CLDN1: variants seen among roughly 807,000 people sequenced by gnomAD.
The protein encoded by CLDN1 is claudin-1.
CLDN1 carries 12 observed loss-of-function variants against 22.6 expected under a neutral mutation model. That is an observed-to-expected ratio of 0.53 (90% confidence interval 0.34 to 0.86). CLDN1 has a LOEUF of 0.86. Among genes scored for constraint, CLDN1 ranks in the 40% least tolerant of loss-of-function variants. CLDN1 has a pLI of 0.02. For missense variants in CLDN1, 250 were observed against 269.5 expected, an observed-to-expected ratio of 0.93 and a Z score of 0.51; for synonymous variants, 99 against 103.8, an observed-to-expected ratio of 0.95 and a Z score of 0.28.
At chr3:190,313,414 A>C (rs1209704646) in intron 1 of CLDN1, among the ~76,000 whole-genome samples, 1 of 152,226 alleles carries the variant, frequency 6.6e-6, no homozygotes, top group African/African-American at 2.4e-5. Context: ...ACAATCATAT[A>C]TACTATCCTG....
rs1306508045 is a variant in CLDN1 at position 190,307,132 on chromosome 3, A to G, written c.*1145T>C. On this transcript the variant is annotated 3_prime_UTR_variant, in exon 4 of 4. Coordinates refer to ENST00000295522, the MANE Select transcript of CLDN1 (RefSeq NM_021101.5). ...TAACTGGTTAAGTATCATTATCTCA[A>G]TTTGGCAGATAGAAAAAAGAGGTAG... is the stretch of plus-strand genomic sequence containing the variant. 1 of 152,654 alleles carries G rather than the reference A, an allele frequency of 6.6e-6. No individual in the cohort carries two copies. Among genetic ancestry groups the G allele is most frequent in the Non-Finnish European group, 1.5e-5 (1 of 68,048 alleles). 9.5% of individuals were successfully genotyped at this position (152,654 alleles called of 1,614,324 possible).
At chr3:190,320,848 T>C (rs908470549) in intron 1 of CLDN1, among the ~76,000 whole-genome samples, 1 of 152,118 alleles carries the variant, frequency 6.6e-6, no homozygotes, top group Non-Finnish European at 1.5e-5. Flanking sequence ...AGACACATGA[T>C]ATAAGACAAT....
chr3:190,315,119 A>G (rs1330561992), intron 1 of CLDN1, among the ~76,000 whole-genome samples: 1 of 152,248 alleles, frequency 6.6e-6, no homozygotes, highest in Non-Finnish European at 1.5e-5. Context: ...GAAATAACAA[A>G]TAAAATAACT....
chr3:190,317,406 T>G (rs1374667982), intron 1 of CLDN1, among the ~76,000 whole-genome samples: 1 of 152,168 alleles, frequency 6.6e-6, no homozygotes, highest in Non-Finnish European at 1.5e-5. Flanking sequence ...CACCTGAAAG[T>G]AGAATTAAAA....
At chr3:190,309,896 A>T (rs1299293140) in intron 3 of CLDN1, among the ~76,000 whole-genome samples, 2 of 152,234 alleles carry the variant, frequency 1.3e-5, no homozygotes, top group Non-Finnish European at 2.9e-5. Context: ...TTAATATTTG[A>T]AAAAACAAAC....
At chr3:190,310,044 T>C in intron 3 of CLDN1, 125 bp downstream of exon 3, 1 of 770,226 alleles carries the variant, frequency 1.3e-6, no homozygotes, top group Non-Finnish European at 2.3e-6. Flanking sequence ...ATTTAAATTG[T>C]TTGTAGGTTT....
Position 190,310,267 on chromosome 3 carries a change from A to G in CLDN1, c.389-14T>C, listed in dbSNP as rs2108606896. The stretch of plus-strand genomic sequence containing the variant: ...AAATAGCCAGACCTATAGAAATTCA[A>G]AACAAAAGACTGTTAATCACCATGG... On this transcript the variant is annotated splice_polypyrimidine_tract_variant and intron_variant, in intron 2 of 3. Transcript: ENST00000295522. 1 of 1,603,636 alleles carries G rather than the reference A, an allele frequency of 6.2e-7. No homozygotes were observed. The highest frequency in any genetic ancestry group is 1.7e-5 in the Admixed American group (1 of 59,976).
chr3:190,320,145 A>G (rs1205258522), intron 1 of CLDN1, among the ~76,000 whole-genome samples: 1 of 152,260 alleles, frequency 6.6e-6, no homozygotes, highest in East Asian at 1.9e-4. Context: ...AAAAAATGAA[A>G]GTAAAACATT....
In CLDN1 at chr3:190,312,998, T is replaced by A; in HGVS notation, c.262A>T (p.Ile88Phe). 6.2e-7 allele frequency: 1 copy of A among 1,614,156 alleles called. No individual in the cohort carries two copies. The highest frequency in any genetic ancestry group is 2.2e-5 in the East Asian group (1 of 44,884). ...QATRALMVVG[I>F]LLGVIAIFVA... ...AAGATTGCTATCACTCCCAGGAGGA[T>A]GCCAACCACCATCAAGGCACGGGTT... Residue 88 changes from isoleucine to phenylalanine, a missense_variant, in exon 2 of 4, where the codon ATC (isoleucine) becomes TTC (phenylalanine). Ile to Phe is a conservative substitution (Grantham distance 21, BLOSUM62 0). Coordinates refer to ENST00000295522, the MANE Select transcript of CLDN1 (RefSeq NM_021101.5).
At chr3:190,315,926 C>T (rs1435078334) in intron 1 of CLDN1, among the ~76,000 whole-genome samples, 1 of 152,156 alleles carries the variant, frequency 6.6e-6, no homozygotes, top group Non-Finnish European at 1.5e-5. Flanking sequence ...TACTCCAGGG[C>T]CCTTACTGCA....
At position 190,312,854 on chromosome 3, in the gene CLDN1, G is replaced by A. The variant is rs1209621860; in HGVS notation, c.388+18C>T. ...GGAACAGGTTAGTAAGGTGAAAGGG[G>A]GGCACAGCCTCTATTACCTGCAAGA... is the stretch of plus-strand genomic sequence containing the variant. On this transcript the variant is annotated intron_variant, in intron 2 of 3. Transcript: ENST00000295522. 6.2e-7 allele frequency: 1 copy of A among 1,613,468 alleles called. No homozygotes were observed.
chr3:190,321,572 G>A (rs571643042), intron 1 of CLDN1, among the ~76,000 whole-genome samples: 54 of 152,320 alleles, frequency 3.5e-4, no homozygotes, highest in Non-Finnish European at 3.4e-4. Flanking sequence ...GCACACTTGA[G>A]AAGTTACCAG....
rs866930475 is a variant in CLDN1, at chr3:190,306,346, C to T, written c.*1931G>A. The T allele has an allele frequency of 1.3e-5, 2 of 152,350 alleles. No individual in the cohort carries two copies. Among genetic ancestry groups the T allele is most frequent in the African/African-American group, 4.8e-5 (2 of 41,602 alleles). 9.4% of individuals were successfully genotyped at this position (152,350 alleles called of 1,614,324 possible). A position where few individuals can be genotyped will look rare whatever the true frequency, so the allele number is the denominator to read the frequency against. ...TGCACTCAATTTTACTTCACTGTCT[C>T]ATCACTTGAGAGACTGGTTAAGGCA... On this transcript the variant is annotated 3_prime_UTR_variant, in exon 4 of 4. Transcript: ENST00000295522.
In CLDN1 at chr3:190,322,090, G is replaced by A. The variant is rs768443254; in HGVS notation, c.117C>T (p.Asn39=). 6.2e-7 allele frequency: 1 copy of A among 1,614,232 alleles called. No homozygotes were observed. The change falls in exon 1 of 4, where the codon AAC becomes AAT. Residue 39 remains asparagine, a synonymous_variant. Transcript: ENST00000295522. ...QWRIYSYAGD[N]IVTAQAMYEG... ...CGTACATGGCCTGGGCGGTCACGATGTTGTCGCCGGCATAGGAGTAAATCC... is the reference window on the plus strand; with the variant it reads ...CGTACATGGCCTGGGCGGTCACGATATTGTCGCCGGCATAGGAGTAAATCC...
intron 1 of CLDN1, among the ~76,000 whole-genome samples, chr3:190,319,221 C>T (rs1411420733): frequency 1.3e-5 from 2 of 152,042 alleles, no homozygotes; most frequent in East Asian, 1.9e-4. Flanking sequence ...GAAAACAAGG[C>T]GAGAGGTACA....
chr3:190,319,636 C>T (rs1185699922), intron 1 of CLDN1, among the ~76,000 whole-genome samples: 2 of 152,216 alleles, frequency 1.3e-5, no homozygotes, highest in Non-Finnish European at 2.9e-5. Context: ...GTGTGCTCTA[C>T]TGGGAAAGAC....
chr3:190,322,170 G>A lies in CLDN1; in HGVS notation c.37C>T (p.Leu13Phe), dbSNP rs1421878516. The change falls in exon 1 of 4, where the codon CTC (leucine) becomes TTC (phenylalanine). Residue 13 changes from leucine (L) to phenylalanine (F), a missense_variant. Transcript: ENST00000295522. ...GCGCCGATCCATCCCAGGAAGGCGA[G>A]AATGAAGCCCAACAGCTGCAGCCCC... ...NAGLQLLGFI[L>F]AFLGWIGAIV... is the part of the protein sequence containing the mutation. 1 of 1,614,146 alleles carries A rather than the reference G, an allele frequency of 6.2e-7. No individual in the cohort carries two copies. The highest frequency in any genetic ancestry group is 1.3e-5 in the African/African-American group (1 of 75,082).
chr3:190,313,452 T>C (rs1377058503), intron 1 of CLDN1, among the ~76,000 whole-genome samples: 36 of 152,180 alleles, frequency 2.4e-4, no homozygotes, highest in Admixed American at 2.4e-3. Flanking sequence ...ATCAAAATGG[T>C]TTACAGTATA....
In CLDN1 at chr3:190,307,594, A is replaced by C. The variant is rs1458925296; in HGVS notation, c.*683T>G. 6.6e-6 allele frequency: 1 copy of C among 152,210 alleles called. No individual in the cohort carries two copies. Among genetic ancestry groups the C allele is most frequent in the African/African-American group, 2.4e-5 (1 of 41,472 alleles). The allele number at this position is 152,210 out of a possible 1,614,324, so 9.4% of individuals were successfully genotyped here. ...GGCTTTAGAAACTAAAATGTAGGCTATGAAATGTGTTAGATTCAGGAGATA... is the reference window on the plus strand; with the variant it reads ...GGCTTTAGAAACTAAAATGTAGGCTCTGAAATGTGTTAGATTCAGGAGATA... On this transcript the variant is annotated 3_prime_UTR_variant, in exon 4 of 4. Coordinates refer to ENST00000295522, the MANE Select transcript of CLDN1 (RefSeq NM_021101.5).
Sources: allele counts gnomAD v4.1 joint callset (sites outside exome capture counted in the v4.1 genomes callset), GRCh38; gene constraint gnomAD v4.1.1; transcripts MANE v1.5; gene names NCBI Gene and HGNC (gene_info 2026-07-23, HGNC 2026-07-21).